SCG3: variants seen among roughly 807,000 people sequenced by gnomAD.
SCG3 encodes secretogranin-3.
SCG3 carries 38 observed loss-of-function variants against 56.2 expected under a neutral mutation model. The observed-to-expected ratio is 0.68, with a 90% CI of 0.52 to 0.89. The LOEUF (loss-of-function observed/expected upper bound fraction) is 0.89, where lower values mean the gene tolerates loss of function less well. SCG3 is among the 40% of genes least tolerant of loss of function. The pLI, the probability that SCG3 is intolerant of heterozygous loss-of-function variation, is 0.00. For missense variants in SCG3, 524 were observed against 540.7 expected (o/e 0.97, Z 0.31); for synonymous variants, 176 against 184.2 (o/e 0.96, Z 0.36).
intron 7 of SCG3, 83 bp downstream of exon 7, chr15:51,692,419 T>G: frequency 3.1e-6 from 4 of 1,309,124 alleles, no homozygotes; most frequent in Non-Finnish European, 4.2e-6. Context: ...CTTCCTGTTT[T>G]CAGTTTCCAA....
chr15:51,689,332 G>A lies in SCG3; in HGVS notation c.654G>A (p.Trp218Ter). 1 of 1,613,926 alleles carries A rather than the reference G, an allele frequency of 6.2e-7. No individual in the cohort carries two copies. Among genetic ancestry groups the A allele is most frequent in the Non-Finnish European group, 8.5e-7 (1 of 1,179,950 alleles). ...YEEDPNKPTS[W>*]TENQAGKIPE... is the part of the protein sequence containing the mutation. ...AGGATCCCAATAAGCCCACAAGCTG[G>A]ACTGAGAATCAGGCTGGAAAAATAC... Residue 218 changes from tryptophan to a stop codon, truncating the protein, a stop_gained, in exon 6 of 12, where the codon TGG becomes TGA. Transcript: ENST00000220478. LOFTEE classifies it high-confidence loss of function.
chr15:51,709,092 CA>C (rs1441457761), intron 10 of SCG3, among the ~76,000 whole-genome samples: 1 of 152,112 alleles, frequency 6.6e-6, no homozygotes, highest in Admixed American at 6.5e-5. Flanking sequence ...CTCACAATTC[CA>C]CAGGGCTGAG....
chr15:51,682,097 G>T (rs1007960256), intron 1 of SCG3, among the ~76,000 whole-genome samples: 3 of 152,134 alleles, frequency 2.0e-5, no homozygotes, highest in Non-Finnish European at 4.4e-5. Flanking sequence ...TTCACCTAAA[G>T]TGGCTTGGAT....
intron 11 of SCG3, 98 bp from the exon 12 acceptor site, chr15:51,719,310 G>T: frequency 1.3e-6 from 1 of 781,704 alleles, no homozygotes. Flanking sequence ...AATGGTAATT[G>T]TGTTATTGTA....
chr15:51,693,719 T>A (rs577051990), intron 7 of SCG3: 7 of 152,364 alleles, frequency 4.6e-5, no homozygotes, highest in Non-Finnish European at 7.3e-5. Flanking sequence ...AAGCTTTCAT[T>A]TCTGGAGAAC....
At chr15:51,708,867 A>G (rs966834269) in intron 10 of SCG3, among the ~76,000 whole-genome samples, 14 of 151,956 alleles carry the variant, frequency 9.2e-5, no homozygotes, top group African/African-American at 3.4e-4. Context: ...TAAAAAAAAA[A>G]AGAAAACCAC....
intron 7 of SCG3, chr15:51,693,147 T>C (rs1445155572): frequency 6.6e-6 from 1 of 152,236 alleles, no homozygotes; most frequent in Non-Finnish European, 1.5e-5. Context: ...TATTTGTCTT[T>C]CTTTGCCTGC....
In SCG3 at chr15:51,695,959, C is replaced by A. The variant is rs1429606138; in HGVS notation, c.953C>A (p.Thr318Lys). 1 of 1,601,082 alleles carries A rather than the reference C, an allele frequency of 6.2e-7. No individual in the cohort carries two copies. Among genetic ancestry groups the A allele is most frequent in the Admixed American group, 1.7e-5 (1 of 59,876 alleles). The stretch of plus-strand genomic sequence containing the variant: ...GTGAAGATGATGGTGAAATATGGAA[C>A]AATATCTCCAGAAGAAGGTGTTTCC... Reference protein sequence around the residue: ...DFVKMMVKYGTISPEEGVSYL... With the variant: ...DFVKMMVKYGKISPEEGVSYL... The change falls in exon 8 of 12, where the codon ACA (threonine) becomes AAA (lysine). Residue 318 changes from threonine to lysine, a missense_variant. Transcript: ENST00000220478.
intron 5 of SCG3, among the ~76,000 whole-genome samples, chr15:51,689,014 G>A (rs751385980): frequency 9.9e-5 from 15 of 152,114 alleles, no homozygotes; most frequent in Admixed American, 3.3e-4. Context: ...TTGCATGGTG[G>A]GCCCGAAGAT....
At chr15:51,701,367 G>C (rs971863414) in intron 10 of SCG3, 123 bp downstream of exon 10, 93 of 978,806 alleles carry the variant, frequency 9.5e-5, no homozygotes, top group Non-Finnish European at 1.5e-5. Context: ...AATCTGTATA[G>C]AACAGGCTTG....
chr15:51,692,553 C>A (rs2055274596), intron 7 of SCG3, among the ~76,000 whole-genome samples: 3 of 152,074 alleles, frequency 2.0e-5, no homozygotes. Flanking sequence ...ATAATTTAAT[C>A]TTCTTGTTAA....
rs2055433246 is a variant in SCG3, at chr15:51,713,390, A to C, written c.1265A>C (p.His422Pro). ...AAAAATATTGAATGGTTGAAGAAAC[A>C]TGACAAAAAGGGAAATAAAGAAGGT... is the stretch of plus-strand genomic sequence containing the variant. ...IRKNIEWLKK[H>P]DKKGNKEDYD... The change falls in exon 11 of 12, where the codon CAT becomes CCT. Residue 422 changes from histidine to proline, a missense_variant. His to Pro is a moderately conservative substitution (Grantham distance 77). Transcript: ENST00000220478. 1 of 1,604,158 alleles carries C rather than the reference A, an allele frequency of 6.2e-7. No homozygotes were observed.
At chr15:51,686,874 T>C (rs1008480768) in intron 4 of SCG3, among the ~76,000 whole-genome samples, 11 of 152,200 alleles carry the variant, frequency 7.2e-5, no homozygotes, top group East Asian at 1.9e-4. Flanking sequence ...CCTAAGCTTC[T>C]TTCCAAACAA....
chr15:51,706,434 G>T (rs1162042068), intron 10 of SCG3, among the ~76,000 whole-genome samples: 2 of 152,168 alleles, frequency 1.3e-5, no homozygotes, highest in Non-Finnish European at 2.9e-5. Flanking sequence ...TGATGAGCCA[G>T]ACATAGATAG....
intron 4 of SCG3, among the ~76,000 whole-genome samples, chr15:51,685,022 G>A (rs1470255156): frequency 6.6e-6 from 1 of 152,158 alleles, no homozygotes; most frequent in Non-Finnish European, 1.5e-5. Context: ...ATAGCTACAG[G>A]AGATTTATGT....
At position 51,689,655 on chromosome 15, in the gene SCG3, G is replaced by A. The variant is rs75390757; in HGVS notation, c.690+287G>A. 3.3e-3 allele frequency among the ~76,000 whole-genome samples: 496 copies of A among 152,074 alleles called. 21 individuals carry two copies. In the East Asian group the frequency reaches 0.065, roughly 20 times the overall value. On this transcript the variant is annotated intron_variant, in intron 6 of 11. Coordinates refer to ENST00000220478, the MANE Select transcript of SCG3 (RefSeq NM_013243.4). ...ATAAAAATAATTAGCTGGGTGTGGT[G>A]GCACAAGCTTATAGTCTCAGCTACT...
chr15:51,719,774 AT>A lies in SCG3; in HGVS notation c.*249del. 1 of 458,438 alleles carries A rather than the reference AT, an allele frequency of 2.2e-6. No homozygotes were observed. The highest frequency in any genetic ancestry group is 3.9e-6 in the Non-Finnish European group (1 of 258,038). The allele number at this position is 458,438 out of a possible 1,614,324, so 28.4% of individuals were successfully genotyped here. A position where few individuals can be genotyped will look rare whatever the true frequency, so the allele number is the denominator to read the frequency against. ...TTATTTCCTCATAGACTTATATTTTATAATCAGAATATGTTGCTTTGAAAAA... is the reference window on the plus strand; with the variant it reads ...TTATTTCCTCATAGACTTATATTTTAAATCAGAATATGTTGCTTTGAAAAA... On this transcript the variant is annotated 3_prime_UTR_variant, in exon 12 of 12. Transcript: ENST00000220478.
chr15:51,682,608 G>C, intron 2 of SCG3, 39 bp downstream of exon 2: 1 of 1,122,332 alleles, frequency 8.9e-7, no homozygotes, highest in Non-Finnish European at 1.3e-6. Context: ...ATTTCATTTT[G>C]ATTTAGTTAT....
chr15:51,704,252 T>C (rs1450806084), intron 10 of SCG3, among the ~76,000 whole-genome samples: 89 of 122,576 alleles, frequency 7.3e-4, no homozygotes, highest in East Asian at 2.4e-3. Flanking sequence ...TACATATATA[T>C]ATATATATAT....
Sources: allele counts gnomAD v4.1 joint callset (sites outside exome capture counted in the v4.1 genomes callset), GRCh38; gene constraint gnomAD v4.1.1; transcripts MANE v1.5; gene names NCBI Gene and HGNC (gene_info 2026-07-23, HGNC 2026-07-21).